The following CDC27 variants were observed in gnomAD, a reference collection of about 807,000 sequenced individuals.
The protein encoded by CDC27 is cell division cycle protein 27 homolog.
Under a neutral mutation model 109.7 loss-of-function variants are expected in CDC27, and 27 were observed. The ratio of observed to expected loss-of-function variants is 0.25; its 90% confidence interval spans 0.18 to 0.34. CDC27 has a LOEUF of 0.34. Among genes scored for constraint, CDC27 ranks in the 10% least tolerant of loss-of-function variants. CDC27 has a pLI of 1.00. For missense variants in CDC27, 579 were observed against 960.2 expected, an observed-to-expected ratio of 0.60 and a Z score of 5.25; for synonymous variants, 266 against 333.9, an observed-to-expected ratio of 0.80 and a Z score of 2.22.
chr17:47,161,054 T>A (rs1398313051), intron 4 of CDC27: 1 of 151,496 alleles, frequency 6.6e-6, no homozygotes, highest in African/African-American at 2.4e-5. Context: ...AGATCAAAAA[T>A]TTCTTTCTTT....
chr17:47,131,581 G>A (rs2062335399), intron 15 of CDC27, among the ~76,000 whole-genome samples: 1 of 151,952 alleles, frequency 6.6e-6, no homozygotes, highest in Non-Finnish European at 1.5e-5. Context: ...AGAACTTAAG[G>A]TACCGTACTT....
Position 47,189,289 on chromosome 17 carries a change from G to A in CDC27, c.-117C>T, listed in dbSNP as rs113690642. 6.2e-6 allele frequency: 5 copies of A among 807,524 alleles called. No individual in the cohort carries two copies. The highest frequency in any genetic ancestry group is 1.1e-5 in the Non-Finnish European group (5 of 471,292). The allele number at this position is 807,524 out of a possible 1,614,324, so 50.0% of individuals were successfully genotyped here. A position where few individuals can be genotyped will look rare whatever the true frequency, so the allele number is the denominator to read the frequency against. On this transcript the variant is annotated 5_prime_UTR_variant, in exon 1 of 19. Coordinates refer to ENST00000066544, the MANE Select transcript of CDC27 (RefSeq NM_001256.6). ...CGACCGTTACCGGGGGATGGGGGAG[G>A]CCGAGCGATTGCCGAGTGCTTCCGA...
chr17:47,180,123 G>A (rs996642740), intron 2 of CDC27, among the ~76,000 whole-genome samples: 1 of 152,042 alleles, frequency 6.6e-6, no homozygotes, highest in African/African-American at 2.4e-5. Context: ...GTGAGATTCT[G>A]ACTCAACAAA....
At chr17:47,141,542 A>G (rs1221864144) in intron 12 of CDC27, among the ~76,000 whole-genome samples, 4 of 152,204 alleles carry the variant, frequency 2.6e-5, no homozygotes, top group African/African-American at 4.8e-5. Flanking sequence ...AGAAAAATAA[A>G]TAAATCCTAT....
rs1181327047 is a variant in CDC27 at position 47,118,260 on chromosome 17, A to C, written c.*2675T>G. 6.6e-6 allele frequency: 1 copy of C among 152,286 alleles called. No individual in the cohort carries two copies. Among genetic ancestry groups the C allele is most frequent in the Non-Finnish European group, 1.5e-5 (1 of 68,032 alleles). 9.4% of individuals were successfully genotyped at this position (152,286 alleles called of 1,614,324 possible). A position where few individuals can be genotyped will look rare whatever the true frequency, so the allele number is the denominator to read the frequency against. ...CTGGTTATCACTGAGTTTTTGTTTA[A>C]GGTACAACAGCAGCATGGTTCAAAT... On this transcript the variant is annotated 3_prime_UTR_variant, in exon 19 of 19. Coordinates refer to ENST00000066544, the MANE Select transcript of CDC27 (RefSeq NM_001256.6).
intron 2 of CDC27, among the ~76,000 whole-genome samples, chr17:47,178,645 A>G (rs28687157): frequency 1.3e-4 from 19 of 151,914 alleles, no homozygotes; most frequent in African/African-American, 3.6e-4. Flanking sequence ...CAGAAACTAC[A>G]GCAGACTCTT....
chr17:47,121,117 TAAAACCCTAAATAAAGGCCCTTAA>T, intron 18 of CDC27, 100 bp from the exon 19 acceptor site: 1 of 758,966 alleles, frequency 1.3e-6, no homozygotes, highest in Non-Finnish European at 2.2e-6. Context: ...TTCAGAGAGA[TAAAACCCTAAATAAAGGCCCTTAA>T]AAATCCTCAT....
chr17:47,182,657 T>C (rs934651385), intron 1 of CDC27, among the ~76,000 whole-genome samples: 1 of 152,246 alleles, frequency 6.6e-6, no homozygotes, highest in Admixed American at 6.5e-5. Flanking sequence ...AAATTCATTC[T>C]TGATGTGTGT....
chr17:47,120,892 G>T lies in CDC27; in HGVS notation c.*43C>A. 1 of 1,362,680 alleles carries T rather than the reference G, an allele frequency of 7.3e-7. No homozygotes were observed. Among genetic ancestry groups the T allele is most frequent in the Non-Finnish European group, 1.0e-6 (1 of 954,848 alleles). The allele number at this position is 1,362,680 out of a possible 1,614,324, so 84.4% of individuals were successfully genotyped here. A position where few individuals can be genotyped will look rare whatever the true frequency, so the allele number is the denominator to read the frequency against. ...ATACAGAGGGACAAGAAACACGTCA[G>T]CACTAGTCACACATCCAGTTGTAAA... On this transcript the variant is annotated 3_prime_UTR_variant, in exon 19 of 19. Coordinates refer to ENST00000066544, the MANE Select transcript of CDC27 (RefSeq NM_001256.6).
chr17:47,128,544 A>G (rs2062220372), intron 16 of CDC27, among the ~76,000 whole-genome samples: 1 of 152,150 alleles, frequency 6.6e-6, no homozygotes, highest in Admixed American at 6.5e-5. Context: ...ATAAGCTCTC[A>G]TAACTTAATA....
chr17:47,165,610 C>T (rs144071321), intron 4 of CDC27, among the ~76,000 whole-genome samples: 2 of 152,268 alleles, frequency 1.3e-5, no homozygotes, highest in East Asian at 3.9e-4. Flanking sequence ...TTCTCCCAGG[C>T]TGTGACTTGT....
chr17:47,176,897 AAC>A (rs1430613014), intron 2 of CDC27, among the ~76,000 whole-genome samples: 1 of 152,196 alleles, frequency 6.6e-6, no homozygotes, highest in Non-Finnish European at 1.5e-5. Flanking sequence ...TACTGATCTT[AAC>A]ACAATCTGGT....
intron 15 of CDC27, among the ~76,000 whole-genome samples, chr17:47,131,747 C>T (rs1329834471): frequency 1.4e-5 from 2 of 146,834 alleles, no homozygotes; most frequent in East Asian, 4.1e-4. Flanking sequence ...TAGCTCACAG[C>T]AGCCTTGCAC....
chr17:47,162,918 A>G (rs1358067836), intron 4 of CDC27, among the ~76,000 whole-genome samples: 3 of 152,230 alleles, frequency 2.0e-5, no homozygotes, highest in Admixed American at 1.3e-4. Context: ...AGAGCTAACT[A>G]GGGAAGAAGT....
At chr17:47,121,071 T>TGG in intron 18 of CDC27, 54 bp from the exon 19 acceptor site, 14 of 1,174,120 alleles carry the variant, frequency 1.2e-5, no homozygotes, top group Non-Finnish European at 1.8e-5. Context: ...TATGTCCTGT[T>TGG]GGTTCATGAA....
At chr17:47,139,305 C>CCAG (rs1183392553) in intron 12 of CDC27, among the ~76,000 whole-genome samples, 1 of 141,986 alleles carries the variant, frequency 7.0e-6, no homozygotes, top group Non-Finnish European at 1.5e-5. Context: ...CTCACTCTGT[C>CCAG]GCCCAGGCTG....
rs774310725 is a variant in CDC27 at position 47,132,382 on chromosome 17, T to C, written c.1914-8A>G. 2 of 1,316,148 alleles carry C rather than the reference T, an allele frequency of 1.5e-6. No homozygotes were observed. The highest frequency in any genetic ancestry group is 4.7e-5 in the East Asian group (2 of 42,514). The allele number at this position is 1,316,148 out of a possible 1,614,324, so 81.5% of individuals were successfully genotyped here. A position where few individuals can be genotyped will look rare whatever the true frequency, so the allele number is the denominator to read the frequency against. On this transcript the variant is annotated splice_polypyrimidine_tract_variant and splice_region_variant and intron_variant, in intron 14 of 18. Coordinates refer to ENST00000066544, the MANE Select transcript of CDC27 (RefSeq NM_001256.6). ...ATCATTCCTAAACCATACCTGAAAG[T>C]ATAAAACAAAGTATAATTTTAAAAA...
chr17:47,140,128 T>C (rs2062751039), intron 12 of CDC27, among the ~76,000 whole-genome samples: 1 of 152,200 alleles, frequency 6.6e-6, no homozygotes, highest in African/African-American at 2.4e-5. Flanking sequence ...ATATGATATA[T>C]AGGAATAGCT....
intron 14 of CDC27, among the ~76,000 whole-genome samples, chr17:47,132,741 TTTATTATTA>T (rs34229894): frequency 0.019 from 2,392 of 125,118 alleles, 63 homozygotes; most frequent in Admixed American, 0.076. Flanking sequence ...ATTAAAGCAG[TTTATTATTA>T]TTATTATTAT....
Sources: allele counts gnomAD v4.1 joint callset (sites outside exome capture counted in the v4.1 genomes callset), GRCh38; gene constraint gnomAD v4.1.1; transcripts MANE v1.5; gene names NCBI Gene and HGNC (gene_info 2026-07-23, HGNC 2026-07-21).